Variants in ZFAND6 observed in about 807,000 individuals in gnomAD.
The protein encoded by ZFAND6 is zinc finger AN1-type containing 6.
A neutral mutation model predicts 24.5 loss-of-function variants in ZFAND6; 12 were observed. The ratio of observed to expected loss-of-function variants is 0.49; its 90% CI spans 0.31 to 0.79. The LOEUF is 0.79. Ranked by LOEUF, ZFAND6 falls within the 30% of genes least tolerant of loss-of-function variation. The probability of loss-of-function intolerance (pLI) is 0.04; values close to 1 mark genes in which losing one functional copy is unlikely to be tolerated. For synonymous variants in ZFAND6, 92 were observed against 81.5 expected, an observed-to-expected ratio of 1.13 and a Z score of -0.69; for missense variants, 207 against 245.9, an observed-to-expected ratio of 0.84 and a Z score of 1.06.
At chr15:80,112,458 C>T (rs561814621) in intron 2 of ZFAND6, among the ~76,000 whole-genome samples, 2 of 151,870 alleles carry the variant, frequency 1.3e-5, no homozygotes, top group African/African-American at 2.4e-5. Context: ...ATTGCAGTGG[C>T]GTGATCTTGG....
At chr15:80,066,704 C>G (rs893301580) in intron 1 of ZFAND6, among the ~76,000 whole-genome samples, 7 of 151,906 alleles carry the variant, frequency 4.6e-5, no homozygotes, top group African/African-American at 1.7e-4. Flanking sequence ...CAAGACCAGC[C>G]TGGCCAACGT....
upstream of ZFAND6, among the ~76,000 whole-genome samples, chr15:80,059,274 C>T (rs1185803494): frequency 6.6e-6 from 1 of 152,224 alleles, no homozygotes; most frequent in Non-Finnish European, 1.5e-5. Context: ...AAGACAGGGA[C>T]ACGCCATTCC....
At chr15:80,129,600 T>C (rs918291856) in intron 5 of ZFAND6, 3 of 152,192 alleles carry the variant, frequency 2.0e-5, no homozygotes, top group Admixed American at 6.5e-5. Context: ...CAGATACTTA[T>C]TGTCGAATGT....
intron 5 of ZFAND6, among the ~76,000 whole-genome samples, chr15:80,128,646 A>C (rs776566582): frequency 6.6e-6 from 1 of 152,206 alleles, no homozygotes; most frequent in Non-Finnish European, 1.5e-5. Context: ...GTTGTCAGCT[A>C]TTAGTTTCAA....
chr15:80,102,170 A>T (rs111436683), intron 2 of ZFAND6, among the ~76,000 whole-genome samples: 1 of 150,760 alleles, frequency 6.6e-6, no homozygotes, highest in African/African-American at 2.4e-5. Flanking sequence ...TATTTTTGAG[A>T]TGGAGTTTCA....
chr15:80,102,056 A>G (rs2039064811), intron 2 of ZFAND6, among the ~76,000 whole-genome samples: 1 of 152,004 alleles, frequency 6.6e-6, no homozygotes, highest in Non-Finnish European at 1.5e-5. Flanking sequence ...TCGGCCTCCC[A>G]AAGTGCTGGG....
At chr15:80,066,112 C>T (rs1295987186) in intron 1 of ZFAND6, among the ~76,000 whole-genome samples, 1 of 152,104 alleles carries the variant, frequency 6.6e-6, no homozygotes, top group East Asian at 1.9e-4. Flanking sequence ...AGGTCTCTTG[C>T]CTTCATCCAG....
chr15:80,059,372 G>C (rs997227371), upstream of ZFAND6, among the ~76,000 whole-genome samples: 3 of 152,238 alleles, frequency 2.0e-5, no homozygotes, highest in African/African-American at 7.2e-5. Context: ...GTAGCTATTG[G>C]AGGTAGAGAA....
chr15:80,104,258 C>T (rs532799572), intron 2 of ZFAND6, among the ~76,000 whole-genome samples: 9 of 152,276 alleles, frequency 5.9e-5, no homozygotes, highest in African/African-American at 1.4e-4. Context: ...GGGCGGTTCA[C>T]GCCTTATAAT....
intron 1 of ZFAND6, among the ~76,000 whole-genome samples, chr15:80,060,965 A>G (rs2036301418): frequency 1.3e-5 from 2 of 152,240 alleles, no homozygotes; most frequent in Non-Finnish European, 2.9e-5. Flanking sequence ...TCCGAGAAAC[A>G]GGATTAAATT....
intron 2 of ZFAND6, among the ~76,000 whole-genome samples, chr15:80,119,083 A>G (rs1256941485): frequency 9.8e-6 from 1 of 102,206 alleles, no homozygotes; most frequent in Admixed American, 1.3e-4. Context: ...TTTTAATAAG[A>G]AAGAGAGCCC....
At chr15:80,111,634 T>A in intron 2 of ZFAND6, 2 of 355,050 alleles carry the variant, frequency 5.6e-6, no homozygotes, top group Admixed American at 6.9e-5. Flanking sequence ...TATAAGGAAA[T>A]TTTTCTCATA....
intron 1 of ZFAND6, among the ~76,000 whole-genome samples, chr15:80,065,102 C>G (rs1361250297): frequency 1.5e-5 from 2 of 130,984 alleles, no homozygotes; most frequent in Non-Finnish European, 3.2e-5. Flanking sequence ...TTCTACTTTG[C>G]TTTTATATTT....
intron 2 of ZFAND6, among the ~76,000 whole-genome samples, chr15:80,099,640 C>CG (rs1235139819): frequency 5.7e-5 from 1 of 17,500 alleles, no homozygotes; most frequent in Non-Finnish European, 1.9e-4. Context: ...TTTTTCGAGA[C>CG]GGAGTCTCAC....
At chr15:80,128,259 A>G (rs187325375) in intron 5 of ZFAND6, among the ~76,000 whole-genome samples, 2 of 152,336 alleles carry the variant, frequency 1.3e-5, no homozygotes, top group East Asian at 3.9e-4. Flanking sequence ...ATAGTTTTAT[A>G]ACCTTGTGAA....
chr15:80,074,278 A>G (rs79451103), intron 1 of ZFAND6, among the ~76,000 whole-genome samples: 7,938 of 151,988 alleles, frequency 0.052, 238 homozygotes, highest in Middle Eastern at 0.061. Flanking sequence ...GAGCAATTGT[A>G]TCTATGCTAG....
chr15:80,111,110 C>T (rs1260489345), intron 2 of ZFAND6, among the ~76,000 whole-genome samples: 8 of 152,224 alleles, frequency 5.3e-5, no homozygotes, highest in African/African-American at 1.9e-4. Context: ...TAAGACACCA[C>T]AGATATATTT....
chr15:80,069,957 C>T (rs1279507140), intron 1 of ZFAND6, among the ~76,000 whole-genome samples: 2 of 152,000 alleles, frequency 1.3e-5, no homozygotes, highest in Non-Finnish European at 2.9e-5. Context: ...AGAGTTTATC[C>T]TTAGTGATCC....
chr15:80,131,526 G>T (rs559409698), intron 6 of ZFAND6: 3 of 448,652 alleles, frequency 6.7e-6, no homozygotes, highest in African/African-American at 4.0e-5. Context: ...AGAAGTATTA[G>T]ACAAATAAGG....
Sources: allele counts gnomAD v4.1 joint callset (sites outside exome capture counted in the v4.1 genomes callset), GRCh38; gene constraint gnomAD v4.1.1; transcripts MANE v1.5; gene names NCBI Gene and HGNC (gene_info 2026-07-23, HGNC 2026-07-21).